MACROD2: variants seen among roughly 807,000 people sequenced by gnomAD.
MACROD2 encodes ADP-ribose glycohydrolase MACROD2.
MACROD2 carries 36 observed loss-of-function variants against 70.4 expected under a neutral mutation model. That is an observed-to-expected ratio of 0.51 (90% CI 0.39 to 0.68). The LOEUF is 0.68. Among genes scored for constraint, MACROD2 ranks in the 30% least tolerant of loss-of-function variants. MACROD2 has a pLI of 0.00. For synonymous variants in MACROD2, 172 were observed against 178.8 expected (o/e 0.96, Z 0.30); for missense variants, 496 against 538.4 (o/e 0.92, Z 0.78).
chr20:14,778,007 G>T (rs150196636), intron 5 of MACROD2, among the ~76,000 whole-genome samples: 7 of 152,090 alleles, frequency 4.6e-5, no homozygotes. Flanking sequence ...TGAGCTTGAG[G>T]CCTGACACGC....
intron 3 of MACROD2, among the ~76,000 whole-genome samples, chr20:14,139,418 G>C (rs1435449247): frequency 1.3e-5 from 2 of 152,164 alleles, no homozygotes; most frequent in African/African-American, 4.8e-5. Context: ...AGATATTTCT[G>C]ACTCCAAAAC....
chr20:14,954,219 G>T (rs1364804919), intron 5 of MACROD2, among the ~76,000 whole-genome samples: 1 of 151,620 alleles, frequency 6.6e-6, no homozygotes, highest in African/African-American at 2.4e-5. Context: ...AATCCCTTTG[G>T]GTGGAATTCA....
At chr20:15,772,793 C>G (rs2051658053) in intron 8 of MACROD2, among the ~76,000 whole-genome samples, 1 of 152,072 alleles carries the variant, frequency 6.6e-6, no homozygotes, top group South Asian at 2.1e-4. Flanking sequence ...CACTCAAGAA[C>G]TTACTCATAT....
At chr20:15,388,865 G>C (rs867560619) in intron 6 of MACROD2, among the ~76,000 whole-genome samples, 1 of 152,158 alleles carries the variant, frequency 6.6e-6, no homozygotes, top group Admixed American at 6.6e-5. Flanking sequence ...GATTCAAAGA[G>C]AAAGCAGAGG....
chr20:14,249,527 C>A (rs2081993849), intron 3 of MACROD2, among the ~76,000 whole-genome samples: 1 of 151,842 alleles, frequency 6.6e-6, no homozygotes, highest in African/African-American at 2.4e-5. Context: ...GGAGAGGGAC[C>A]ACAGGGGGTC....
At chr20:14,945,442 G>A (rs1568890184) in intron 5 of MACROD2, among the ~76,000 whole-genome samples, 1 of 152,074 alleles carries the variant, frequency 6.6e-6, no homozygotes, top group Non-Finnish European at 1.5e-5. Context: ...CTGAAGACAG[G>A]GGCGTCAAGG....
intron 8 of MACROD2, among the ~76,000 whole-genome samples, chr20:15,740,942 C>CA (rs2051095742): frequency 6.6e-6 from 1 of 152,046 alleles, no homozygotes; most frequent in Admixed American, 6.6e-5. Context: ...CTCCCAGTCT[C>CA]CTTTCAACCC....
chr20:14,697,844 A>G (rs1039896617), intron 5 of MACROD2, among the ~76,000 whole-genome samples: 11 of 152,156 alleles, frequency 7.2e-5, no homozygotes, highest in Admixed American at 5.9e-4. Context: ...AAATCTGGAA[A>G]TTGCTTTTCT....
intron 5 of MACROD2, among the ~76,000 whole-genome samples, chr20:14,938,940 A>ATTTTTTTTTTTTT (rs1230863391): frequency 2.4e-4 from 21 of 86,456 alleles, no homozygotes; most frequent in South Asian, 1.1e-3. Context: ...GTTAAATCAG[A>ATTTTTTTTTTTTT]TTTTTTTTTT....
At chr20:15,809,620 T>C (rs1310302118) in intron 8 of MACROD2, among the ~76,000 whole-genome samples, 1 of 152,086 alleles carries the variant, frequency 6.6e-6, no homozygotes, top group Non-Finnish European at 1.5e-5. Flanking sequence ...AACCCAGTTG[T>C]TACAATGAGA....
chr20:15,398,092 A>G (rs1361927594), intron 6 of MACROD2, among the ~76,000 whole-genome samples: 12 of 152,198 alleles, frequency 7.9e-5, no homozygotes. Flanking sequence ...GGAAATCCAC[A>G]ATGTAGTAGT....
chr20:14,371,347 T>A (rs1392558147), intron 3 of MACROD2, among the ~76,000 whole-genome samples: 1 of 151,832 alleles, frequency 6.6e-6, no homozygotes, highest in African/African-American at 2.4e-5. Context: ...ATTAGCAGGA[T>A]GTGGTGGTGT....
chr20:14,509,975 A>G (rs941030690), intron 4 of MACROD2, among the ~76,000 whole-genome samples: 15 of 152,052 alleles, frequency 9.9e-5, no homozygotes, highest in African/African-American at 3.4e-4. Flanking sequence ...CTTCAGCCCA[A>G]TATATTTATA....
intron 8 of MACROD2, among the ~76,000 whole-genome samples, chr20:15,668,948 T>TGAGTG (rs2049940312): frequency 6.6e-6 from 1 of 152,228 alleles, no homozygotes; most frequent in African/African-American, 2.4e-5. Context: ...AAGGTGTATT[T>TGAGTG]GAGTGGAGCA....
At position 15,581,487 on chromosome 20, in the gene MACROD2, G is replaced by C. The variant is rs546008204; in HGVS notation, c.645+81640G>C. 6.4e-4 allele frequency among the ~76,000 whole-genome samples: 97 copies of C among 152,324 alleles called. 2 individuals are homozygous for C. The South Asian group carries it at 0.02, about 31-fold the overall frequency. The stretch of plus-strand genomic sequence containing the variant: ...AAGAATGTTATCTGGGTAACTGAAA[G>C]GGATATGTAGAATTGTGTATCCTTA... On this transcript the variant is annotated intron_variant, in intron 8 of 17. Coordinates refer to ENST00000684519, the MANE Select transcript of MACROD2 (RefSeq NM_001351661.2).
intron 8 of MACROD2, among the ~76,000 whole-genome samples, chr20:15,517,748 G>C (rs183165527): frequency 6.6e-6 from 1 of 152,172 alleles, no homozygotes; most frequent in Non-Finnish European, 1.5e-5. Flanking sequence ...CCCCTTGTGC[G>C]CAGGGTCCCT....
intron 4 of MACROD2, among the ~76,000 whole-genome samples, chr20:14,613,348 T>C (rs912585307): frequency 6.6e-6 from 1 of 152,094 alleles, no homozygotes; most frequent in African/African-American, 2.4e-5. Flanking sequence ...TGGGCTTGCA[T>C]TTCCCTGTGA....
intron 5 of MACROD2, among the ~76,000 whole-genome samples, chr20:14,818,825 G>GTTTTTTTTTT (rs754477468): frequency 2.6e-5 from 2 of 78,376 alleles, no homozygotes; most frequent in Admixed American, 1.4e-4. Context: ...TCTTCCTTAG[G>GTTTTTTTTTT]TTTTTTTTTT....
At chr20:14,310,407 T>C (rs1422817606) in intron 3 of MACROD2, among the ~76,000 whole-genome samples, 1 of 152,104 alleles carries the variant, frequency 6.6e-6, no homozygotes, top group Non-Finnish European at 1.5e-5. Context: ...ACAATCATGG[T>C]CCCATAAGAT....
Sources: gnomAD v4.1 joint callset for allele counts (sites outside exome capture counted in the v4.1 genomes callset) on GRCh38, gnomAD v4.1.1 for gene constraint, MANE v1.5 for transcripts, NCBI Gene and HGNC (gene_info 2026-07-23, HGNC 2026-07-21) for gene names.